Variants in NT5DC1 observed in about 807,000 individuals in gnomAD.
NT5DC1 encodes 5'-nucleotidase domain containing 1, also known as 5'-nucleotidase domain-containing protein 1.
Under a neutral mutation model 59.4 loss-of-function variants are expected in NT5DC1, and 42 were observed. The observed-to-expected ratio is 0.71, with a 90% confidence interval of 0.55 to 0.92. NT5DC1 has a LOEUF of 0.92. Ranked by LOEUF, NT5DC1 falls within the 40% of genes least tolerant of loss-of-function variation. The probability of loss-of-function intolerance (pLI) is 0.00; values close to 1 mark genes in which losing one functional copy is unlikely to be tolerated. For missense variants in NT5DC1, 501 were observed against 537.1 expected, an observed-to-expected ratio of 0.93 and a Z score of 0.66; for synonymous variants, 172 against 188.1, an observed-to-expected ratio of 0.91 and a Z score of 0.70.
Position 116,106,240 on chromosome 6 carries a change from G to T in NT5DC1, c.94-4G>T, listed in dbSNP as rs772701837. 4 of 1,440,308 alleles carry T rather than the reference G, an allele frequency of 2.8e-6. No homozygotes were observed. Among genetic ancestry groups the T allele is most frequent in the Middle Eastern group, 2.2e-4 (1 of 4,584 alleles). 89.2% of individuals were successfully genotyped at this position (1,440,308 alleles called of 1,614,324 possible). ...TAATCTGTTTTTCTTCCCCTTATTT[G>T]CAGCTCATTTATAATAGCTTTGCCC... is the stretch of plus-strand genomic sequence containing the variant. On this transcript the variant is annotated splice_polypyrimidine_tract_variant and splice_region_variant and intron_variant, in intron 1 of 11. Coordinates refer to ENST00000319550, the MANE Select transcript of NT5DC1 (RefSeq NM_152729.3).
At chr6:116,175,063 G>A (rs1182005581) in intron 6 of NT5DC1, among the ~76,000 whole-genome samples, 1 of 151,938 alleles carries the variant, frequency 6.6e-6, no homozygotes, top group Admixed American at 6.6e-5. Flanking sequence ...TAAGGAATTA[G>A]GCTTATTAAC....
chr6:116,135,872 T>C (rs7749887), intron 6 of NT5DC1, among the ~76,000 whole-genome samples: 32,731 of 121,232 alleles, frequency 0.27, 4,282 homozygotes, highest in African/African-American at 0.4. Context: ...TATATATATA[T>C]ACACACATAC....
chr6:116,141,885 AACAC>A (rs3051942), intron 6 of NT5DC1, among the ~76,000 whole-genome samples: 7,131 of 140,308 alleles, frequency 0.051, 216 homozygotes, highest in African/African-American at 0.094. Flanking sequence ...CCAAAAAGAA[AACAC>A]ACACACACAC....
chr6:116,158,807 G>T (rs1010805848), intron 6 of NT5DC1: 1 of 152,130 alleles, frequency 6.6e-6, no homozygotes, highest in Non-Finnish European at 1.5e-5. Flanking sequence ...TTTATACAAA[G>T]CTCTGCTGAA....
chr6:116,124,516 A>G (rs1036888712), intron 6 of NT5DC1, among the ~76,000 whole-genome samples: 2 of 152,218 alleles, frequency 1.3e-5, no homozygotes, highest in African/African-American at 4.8e-5. Context: ...AAGAAAGTTA[A>G]CTTATTGAAG....
At chr6:116,186,118 T>G (rs1341926068) in intron 6 of NT5DC1, among the ~76,000 whole-genome samples, 1 of 152,092 alleles carries the variant, frequency 6.6e-6, no homozygotes, top group East Asian at 1.9e-4. Context: ...TGTCTTCCCT[T>G]CATTTATGAA....
intron 6 of NT5DC1, among the ~76,000 whole-genome samples, chr6:116,132,851 C>T (rs1779503552): frequency 6.6e-6 from 1 of 152,138 alleles, no homozygotes; most frequent in Non-Finnish European, 1.5e-5. Context: ...TGCTGTACCT[C>T]ATTCCTCTTG....
Position 116,107,242 on chromosome 6 carries a change from A to G in NT5DC1, c.185+907A>G, listed in dbSNP as rs151015246. The stretch of plus-strand genomic sequence containing the variant: ...CCTACATTATGTTGATCTAGTATGC[A>G]TTCTTTTGATATTTTGTTAGTCTTT... On this transcript the variant is annotated intron_variant, in intron 2 of 11. Transcript: ENST00000319550. Among the ~76,000 whole-genome samples the G allele has an allele frequency of 2.5e-3, 358 of 145,030 alleles. 10 individuals carry two copies. In the South Asian group the frequency reaches 0.044, roughly 18 times the overall value.
intron 6 of NT5DC1, among the ~76,000 whole-genome samples, chr6:116,189,594 C>T (rs1469212685): frequency 1.7e-4 from 26 of 151,834 alleles, no homozygotes; most frequent in Admixed American, 1.7e-3. Context: ...CTCTATAGTT[C>T]TTGTGTATTA....
chr6:116,145,257 G>A (rs989656284), intron 6 of NT5DC1, among the ~76,000 whole-genome samples: 4 of 151,978 alleles, frequency 2.6e-5, no homozygotes, highest in Non-Finnish European at 4.4e-5. Context: ...TGTTTAGAAA[G>A]GTGTGATATG....
chr6:116,165,612 GAGC>G (rs1780445965), intron 6 of NT5DC1, among the ~76,000 whole-genome samples: 1 of 152,210 alleles, frequency 6.6e-6, no homozygotes. Context: ...TGGACTGAGG[GAGC>G]AGGAGATGAC....
At chr6:116,101,045 G>C (rs371071360) in intron 1 of NT5DC1, 22 bp downstream of exon 1, 28 of 1,519,104 alleles carry the variant, frequency 1.8e-5, no homozygotes, top group Non-Finnish European at 8.1e-6. Flanking sequence ...GGGCTCCGGG[G>C]CGCACTGCGC....
intron 4 of NT5DC1, among the ~76,000 whole-genome samples, chr6:116,112,508 A>G (rs529072864): frequency 9.2e-5 from 14 of 152,344 alleles, no homozygotes; most frequent in African/African-American, 3.1e-4. Context: ...AAAGGTATAC[A>G]AAAGGAATTA....
intron 8 of NT5DC1, among the ~76,000 whole-genome samples, chr6:116,225,872 G>C (rs1175635093): frequency 2.6e-5 from 4 of 152,228 alleles, no homozygotes; most frequent in Admixed American, 6.5e-5. Flanking sequence ...AACGGTGGCA[G>C]TTTTGCCCTT....
chr6:116,107,808 G>A (rs1254353435), intron 2 of NT5DC1, among the ~76,000 whole-genome samples: 2 of 151,938 alleles, frequency 1.3e-5, no homozygotes, highest in African/African-American at 2.4e-5. Context: ...TCCTGACCTC[G>A]TGATCCGCCC....
intron 6 of NT5DC1, among the ~76,000 whole-genome samples, chr6:116,199,148 C>A (rs1781294465): frequency 6.6e-6 from 1 of 151,954 alleles, no homozygotes; most frequent in Non-Finnish European, 1.5e-5. Context: ...CAGTCAAAAG[C>A]CGTAATGTAT....
At chr6:116,145,717 GT>G (rs1779882441) in intron 6 of NT5DC1, among the ~76,000 whole-genome samples, 1 of 152,008 alleles carries the variant, frequency 6.6e-6, no homozygotes, top group Non-Finnish European at 1.5e-5. Context: ...ATAAAAAATA[GT>G]TTGTTTCATT....
At position 116,165,098 on chromosome 6, in the gene NT5DC1, G is replaced by GAAAAAAAAA. The variant is rs71554841; in HGVS notation, c.529+47165_529+47173dup. 1.9e-3 allele frequency among the ~76,000 whole-genome samples: 190 copies of GAAAAAAAAA among 100,994 alleles called. 5 individuals carry two copies. In the East Asian group the frequency reaches 0.029, roughly 15 times the overall value. 66.3% of individuals were successfully genotyped at this position (100,994 alleles called of 152,430 possible). On this transcript the variant is annotated intron_variant, in intron 6 of 11. Transcript: ENST00000319550. ...GGCGACAGAGCGAGACTCCGTCTCA[G>GAAAAAAAAA]AAAAAAAAAAAAAAAAAAAATTATT...
intron 6 of NT5DC1, among the ~76,000 whole-genome samples, chr6:116,196,960 A>G (rs1211438050): frequency 1.3e-5 from 2 of 151,320 alleles, no homozygotes; most frequent in Non-Finnish European, 2.9e-5. Context: ...AGTTCTATCT[A>G]GTTGCATCTG....
Sources: gnomAD v4.1 joint callset for allele counts (sites outside exome capture counted in the v4.1 genomes callset) on GRCh38, gnomAD v4.1.1 for gene constraint, MANE v1.5 for transcripts, NCBI Gene and HGNC (gene_info 2026-07-23, HGNC 2026-07-21) for gene names.